ZCCHC8: variants seen among roughly 807,000 people sequenced by gnomAD.
The protein encoded by ZCCHC8 is zinc finger CCHC domain-containing protein 8.
In ZCCHC8, 27 loss-of-function variants were observed where a neutral mutation model predicts 70.6. The observed-to-expected ratio is 0.38, with a 90% CI of 0.28 to 0.53. The LOEUF (loss-of-function observed/expected upper bound fraction) is 0.53. ZCCHC8 is among the 20% of genes least tolerant of loss of function. The probability of loss-of-function intolerance (pLI) is 0.81; values close to 1 mark genes in which losing one functional copy is unlikely to be tolerated. For missense variants in ZCCHC8, 737 were observed against 876.9 expected, an observed-to-expected ratio of 0.84 and a Z score of 2.01; for synonymous variants, 293 against 317.4, an observed-to-expected ratio of 0.92 and a Z score of 0.82.
chr12:122,473,808 A>G lies in ZCCHC8; in HGVS notation c.1813T>C (p.Ser605Pro). The change falls in exon 14 of 14, where the codon TCA (serine) becomes CCA (proline). Residue 605 changes from serine to proline, a missense_variant. Ser to Pro is a moderately conservative substitution (Grantham distance 74). Transcript: ENST00000633063. Reference sequence around the variant, plus strand: ...TCTGCTTTTTCCTTCTGACAAAGTGATGTCACCTCAGAGTCTGGACTGGAG... The same window carrying G: ...TCTGCTTTTTCCTTCTGACAAAGTGGTGTCACCTCAGAGTCTGGACTGGAG... ...HASSPDSEVTSLCQKEKAELA... is the reference protein window; with the variant it reads ...HASSPDSEVTPLCQKEKAELA... The G allele has an allele frequency of 6.2e-7, 1 of 1,613,370 alleles. No homozygotes were observed. The highest frequency in any genetic ancestry group is 2.2e-5 in the East Asian group (1 of 44,882).
intron 2 of ZCCHC8, among the ~76,000 whole-genome samples, chr12:122,494,412 T>C (rs1422646935): frequency 6.7e-6 from 1 of 149,050 alleles, no homozygotes; most frequent in Non-Finnish European, 1.5e-5. Flanking sequence ...AATACAAAAA[T>C]TAGCCATGCG....
chr12:122,500,621 C>T lies in ZCCHC8; in HGVS notation c.199+21G>A. The T allele has an allele frequency of 6.5e-7, 1 of 1,548,894 alleles. No homozygotes were observed. On this transcript the variant is annotated intron_variant, in intron 1 of 13. Coordinates refer to ENST00000633063, the MANE Select transcript of ZCCHC8 (RefSeq NM_017612.5). The surrounding 1 kb of genome is among the most constrained non-coding windows in gnomAD (Gnocchi z 4.8). ...CCGGCCCCACACCCGGGTGACAGGG[C>T]CCAGCGAGAGGAAAGGATATTCTCG...
At chr12:122,494,440 A>C (rs1957795417) in intron 2 of ZCCHC8, among the ~76,000 whole-genome samples, 1 of 152,050 alleles carries the variant, frequency 6.6e-6, no homozygotes, top group South Asian at 2.1e-4. Context: ...ACATGCCTGT[A>C]AACTCAGCTA....
intron 2 of ZCCHC8, among the ~76,000 whole-genome samples, chr12:122,494,951 T>A (rs1380556252): frequency 6.6e-6 from 1 of 152,112 alleles, no homozygotes; most frequent in East Asian, 1.9e-4. Flanking sequence ...TTGGAGAAAT[T>A]TGAATATGGA....
Position 122,483,918 on chromosome 12 carries a change from T to C in ZCCHC8, c.502-355A>G. The stretch of plus-strand genomic sequence containing the variant: ...CCTTTAGTTATTGTTTCCATTTCCT[T>C]TCTTCCCATTTACTCTTTTCTTATC... On this transcript the variant is annotated intron_variant, in intron 5 of 13. Transcript: ENST00000633063. This position sits in a 1 kb window ranked among gnomAD's most constrained non-coding sequence, Gnocchi z 4.4. 5.5e-6 allele frequency: 1 copy of C among 183,434 alleles called. No individual in the cohort carries two copies. Among genetic ancestry groups the C allele is most frequent in the Non-Finnish European group, 1.1e-5 (1 of 88,124 alleles). The allele number at this position is 183,434 out of a possible 1,614,324, so 11.4% of individuals were successfully genotyped here.
At position 122,490,576 on chromosome 12, in the gene ZCCHC8, G is replaced by A. The variant is rs570822818; in HGVS notation, c.318-9C>T. On this transcript the variant is annotated splice_polypyrimidine_tract_variant and intron_variant, in intron 3 of 13. Coordinates refer to ENST00000633063, the MANE Select transcript of ZCCHC8 (RefSeq NM_017612.5). Reference sequence around the variant, plus strand: ...TTTCTTGATGATATTGCCTGTGTAAGAGGACAAAATGGTCAGAACCCAGAC... The same window carrying A: ...TTTCTTGATGATATTGCCTGTGTAAAAGGACAAAATGGTCAGAACCCAGAC... The A allele has an allele frequency of 6.3e-7, 1 of 1,577,246 alleles. No homozygotes were observed. Among genetic ancestry groups the A allele is most frequent in the African/African-American group, 1.3e-5 (1 of 74,356 alleles).
intron 5 of ZCCHC8, among the ~76,000 whole-genome samples, chr12:122,485,795 T>C (rs1957624540): frequency 6.6e-6 from 1 of 151,894 alleles, no homozygotes; most frequent in South Asian, 2.1e-4. Flanking sequence ...CTCAGCCTCA[T>C]GAGTAGCTGG....
Position 122,474,088 on chromosome 12 carries a change from A to G in ZCCHC8, c.1533T>C (p.Asp511=). 3 of 1,516,820 alleles carry G rather than the reference A, an allele frequency of 2.0e-6. No individual in the cohort carries two copies. The highest frequency in any genetic ancestry group is 2.6e-6 in the Non-Finnish European group (3 of 1,134,944). 94.0% of individuals were successfully genotyped at this position (1,516,820 alleles called of 1,614,324 possible). The change falls in exon 14 of 14, where the codon GAT becomes GAC. Residue 511 remains aspartate, a synonymous_variant. Transcript: ENST00000633063. ...GTTCTTCTAGAGTCAGTGCGTCCTC[A>G]TCCACAGCTCCAGATGCTGTTCTGG... The part of the protein sequence containing the change: ...PQTRTASGAV[D]EDALTLEELE...
In ZCCHC8 at chr12:122,472,229, T is replaced by TG. The variant is rs1351071957; in HGVS notation, c.*1267dup. The TG allele has an allele frequency of 6.8e-6, 1 of 146,320 alleles. No homozygotes were observed. The highest frequency in any genetic ancestry group is 2.0e-4 in the East Asian group (1 of 5,050). 9.1% of individuals were successfully genotyped at this position (146,320 alleles called of 1,614,324 possible). On this transcript the variant is annotated 3_prime_UTR_variant, in exon 14 of 14. Coordinates refer to ENST00000633063, the MANE Select transcript of ZCCHC8 (RefSeq NM_017612.5). Reference sequence around the variant, plus strand: ...CCTTTTTTTTTTTTTTTTTTTGAGATGGAGTTTTGCTCTTGTTGCCCAGGC... The same window carrying TG: ...CCTTTTTTTTTTTTTTTTTTTGAGATGGGAGTTTTGCTCTTGTTGCCCAGGC...
At position 122,500,423 on chromosome 12, in the gene ZCCHC8, C is replaced by A. The variant is rs1371030707; in HGVS notation, c.199+219G>T. The stretch of plus-strand genomic sequence containing the variant: ...GGCAGGAGTGGGTCTGGTCAGGAGA[C>A]GGCCTCCCTGAGGGGAAGAGGTCTG... On this transcript the variant is annotated intron_variant, in intron 1 of 13. Transcript: ENST00000633063. The surrounding 1 kb of genome is among the most constrained non-coding windows in gnomAD (Gnocchi z 4.8). The A allele has an allele frequency of 2.6e-5, 16 of 615,612 alleles. 1 individual carries two copies. Among genetic ancestry groups the A allele is most frequent in the African/African-American group, 3.8e-5 (2 of 52,950 alleles). The allele number at this position is 615,612 out of a possible 1,614,324, so 38.1% of individuals were successfully genotyped here. A position where few individuals can be genotyped will look rare whatever the true frequency, so the allele number is the denominator to read the frequency against.
In ZCCHC8 at chr12:122,483,443, T is replaced by C. The variant is rs1359571229; in HGVS notation, c.605+17A>G. ...TGGCAAGATGCATAAAAGATCTTCA[T>C]TCACTATGTAGGATACTTGGGTATT... On this transcript the variant is annotated intron_variant, in intron 6 of 13. Coordinates refer to ENST00000633063, the MANE Select transcript of ZCCHC8 (RefSeq NM_017612.5). This position sits in a 1 kb window ranked among gnomAD's most constrained non-coding sequence, Gnocchi z 4.4. 2 of 1,579,716 alleles carry C rather than the reference T, an allele frequency of 1.3e-6. No individual in the cohort carries two copies. Among genetic ancestry groups the C allele is most frequent in the South Asian group, 1.2e-5 (1 of 86,328 alleles).
At chr12:122,498,917 A>C in intron 1 of ZCCHC8, 48 bp from the exon 2 acceptor site, 21 of 1,526,666 alleles carry the variant, frequency 1.4e-5, no homozygotes, top group Non-Finnish European at 1.8e-5. Context: ...AATGCAAATC[A>C]TAAAATTCAA....
intron 13 of ZCCHC8, among the ~76,000 whole-genome samples, chr12:122,477,446 G>C (rs144750825): frequency 7.1e-6 from 1 of 141,826 alleles, no homozygotes; most frequent in East Asian, 2.6e-4. Flanking sequence ...GAGCCACCGC[G>C]CCCGGCTTAA....
intron 13 of ZCCHC8, among the ~76,000 whole-genome samples, chr12:122,476,481 C>T (rs1380341049): frequency 6.6e-6 from 1 of 151,930 alleles, no homozygotes; most frequent in Non-Finnish European, 1.5e-5. Context: ...ATACTCCCAG[C>T]TACATGGGAG....
rs1957370219 is a variant in ZCCHC8, at chr12:122,474,166, G to A, written c.1455C>T (p.Thr485=). 2.0e-6 allele frequency: 3 copies of A among 1,515,540 alleles called. No homozygotes were observed. Among genetic ancestry groups the A allele is most frequent in the Non-Finnish European group, 2.6e-6 (3 of 1,139,674 alleles). 93.9% of individuals were successfully genotyped at this position (1,515,540 alleles called of 1,614,324 possible). The change falls in exon 14 of 14, where the codon ACC becomes ACT. Residue 485 remains threonine, a synonymous_variant. Transcript: ENST00000633063. ...GCGGGGTGCCCTTTGGGAGTGGAGG[G>A]GTGAAGACGGGTGGAGGAGTTCCCC... ...LPRGTPPPVF[T]PPLPKGTPPL...
chr12:122,478,243 T>A lies in ZCCHC8; in HGVS notation c.1190A>T (p.Asp397Val). 1 of 1,603,326 alleles carries A rather than the reference T, an allele frequency of 6.2e-7. No individual in the cohort carries two copies. Among genetic ancestry groups the A allele is most frequent in the East Asian group, 2.2e-5 (1 of 44,660 alleles). Reference protein sequence around the residue: ...SIPMQACQQKDVFANYLTSNF... With the variant: ...SIPMQACQQKVVFANYLTSNF... ...AGAAGTAAGGTAATTGGCAAACACA[T>A]CCTTCTGCTGACATGCCTGCATTGG... Residue 397 changes from aspartate to valine, a missense_variant, in exon 12 of 14, where the codon GAT becomes GTT. Asp to Val is a radical substitution (Grantham distance 152). Coordinates refer to ENST00000633063, the MANE Select transcript of ZCCHC8 (RefSeq NM_017612.5).
rs1957504381 is a variant in ZCCHC8, at chr12:122,480,214, T to C, written c.1116A>G (p.Ile372Met). ...CGTCTGGAATTCCTCTGGGAGTAGA[T>C]ATATTAAAACCAGGATAGTTGACCA... ...SKLVNYPGFN[I>M]STPRGIPDEW... Residue 372 changes from isoleucine (I) to methionine (M), a missense_variant, in exon 11 of 14, where the codon ATA becomes ATG. Coordinates refer to ENST00000633063, the MANE Select transcript of ZCCHC8 (RefSeq NM_017612.5). The C allele has an allele frequency of 8.8e-6, 14 of 1,592,270 alleles. No individual in the cohort carries two copies. The highest frequency in any genetic ancestry group is 3.3e-4 in the Middle Eastern group (2 of 6,022).
At chr12:122,494,591 C>T (rs1487298011) in intron 2 of ZCCHC8, among the ~76,000 whole-genome samples, 1 of 150,784 alleles carries the variant, frequency 6.6e-6, no homozygotes, top group Non-Finnish European at 1.5e-5. Flanking sequence ...CACGGTGGCT[C>T]ACGCCTGTAA....
chr12:122,497,160 A>C (rs1957838588), intron 2 of ZCCHC8, among the ~76,000 whole-genome samples: 1 of 152,146 alleles, frequency 6.6e-6, no homozygotes, highest in African/African-American at 2.4e-5. Flanking sequence ...TCTCAAAAAA[A>C]AAAAATCTGA....
Sources: gnomAD v4.1 joint callset for allele counts (sites outside exome capture counted in the v4.1 genomes callset) on GRCh38, gnomAD v4.1.1 for gene constraint, Gnocchi (gnomAD v3.1) non-coding constraint, MANE v1.5 for transcripts, NCBI Gene and HGNC (gene_info 2026-07-23, HGNC 2026-07-21) for gene names.